NAE1: variants seen among roughly 807,000 people sequenced by gnomAD.
The protein encoded by NAE1 is NEDD8 activating enzyme E1 subunit 1.
In NAE1, 59 loss-of-function variants were observed where a neutral mutation model predicts 88.0. The ratio of observed to expected loss-of-function variants is 0.67; its 90% CI spans 0.54 to 0.83. The LOEUF (loss-of-function observed/expected upper bound fraction) is 0.83. NAE1 is among the 40% of genes least tolerant of loss of function. NAE1 has a pLI of 0.00. For missense variants in NAE1, 554 were observed against 632.8 expected, an observed-to-expected ratio of 0.88 and a Z score of 1.34; for synonymous variants, 186 against 208.9, an observed-to-expected ratio of 0.89 and a Z score of 0.95.
chr16:66,803,286 CT>C (rs771638176), intron 19 of NAE1, among the ~76,000 whole-genome samples, 168 bp from the exon 20 acceptor site: 1 of 152,094 alleles, frequency 6.6e-6, no homozygotes, highest in Non-Finnish European at 1.5e-5. Flanking sequence ...GCCTATAATT[CT>C]TTTTGTTATT....
Position 66,823,207 on chromosome 16 carries a change from A to G in NAE1, c.401+20T>C, listed in dbSNP as rs1366484949. The G allele has an allele frequency of 2.1e-6, 3 of 1,445,722 alleles. No individual in the cohort carries two copies. Among genetic ancestry groups the G allele is most frequent in the Admixed American group, 3.9e-5 (2 of 51,518 alleles). The allele number at this position is 1,445,722 out of a possible 1,614,324, so 89.6% of individuals were successfully genotyped here. On this transcript the variant is annotated intron_variant, in intron 6 of 19. Coordinates refer to ENST00000290810, the MANE Select transcript of NAE1 (RefSeq NM_003905.4). ...AATCTAATAAGATTAAAATAAAAAC[A>G]TATTAACATAAAAATTTACCTTTCA...
chr16:66,813,951 A>T (rs966662561), intron 11 of NAE1, 105 bp from the exon 12 acceptor site: 1 of 1,057,176 alleles, frequency 9.5e-7, no homozygotes, highest in Non-Finnish European at 1.4e-6. Context: ...CTCAAATTGT[A>T]ATCAAATACA....
chr16:66,811,197 A>T (rs1381325477), intron 13 of NAE1, among the ~76,000 whole-genome samples: 1 of 152,184 alleles, frequency 6.6e-6, no homozygotes, highest in Non-Finnish European at 1.5e-5. Flanking sequence ...TCGCTCTGCC[A>T]CCCAGGCTGG....
chr16:66,820,474 C>A (rs575185160), intron 7 of NAE1, among the ~76,000 whole-genome samples: 1 of 152,162 alleles, frequency 6.6e-6, no homozygotes, highest in Non-Finnish European at 1.5e-5. Flanking sequence ...AAAGATTGGA[C>A]GGACCTGGTG....
intron 7 of NAE1, 36 bp from the exon 8 acceptor site, chr16:66,818,673 A>T: frequency 6.4e-7 from 1 of 1,560,910 alleles, no homozygotes. Context: ...TAAATTTAAC[A>T]CTTAAAAAAA....
At chr16:66,825,214 G>A (rs532434115) in intron 3 of NAE1, among the ~76,000 whole-genome samples, 5 of 152,238 alleles carry the variant, frequency 3.3e-5, no homozygotes, top group Non-Finnish European at 7.4e-5. Context: ...TTGGGAGGCC[G>A]AGGTGGGCGG....
intron 1 of NAE1, chr16:66,827,362 A>G (rs2145356003): frequency 6.6e-6 from 1 of 152,634 alleles, no homozygotes; most frequent in East Asian, 1.9e-4. Flanking sequence ...AGGTCAGGAG[A>G]TCGAGACCAT....
intron 1 of NAE1, 127 bp from the exon 2 acceptor site, chr16:66,826,907 G>T: frequency 1.3e-6 from 1 of 798,346 alleles, no homozygotes; most frequent in South Asian, 1.8e-5. Context: ...CAGGTAAGAC[G>T]GGAACAGATA....
intron 13 of NAE1, among the ~76,000 whole-genome samples, chr16:66,812,853 C>T (rs193063796): frequency 0.011 from 1,399 of 132,430 alleles, 33 homozygotes; most frequent in Admixed American, 0.054. Flanking sequence ...GACAGAGTCT[C>T]ACTCTGTCGC....
chr16:66,809,644 T>C (rs1959706926), intron 15 of NAE1, among the ~76,000 whole-genome samples: 4 of 152,134 alleles, frequency 2.6e-5, no homozygotes, highest in Admixed American at 2.6e-4. Context: ...TAATTCAAGA[T>C]TAGTCTAATA....
chr16:66,808,776 A>G (rs363205), intron 16 of NAE1, 163 bp from the exon 17 acceptor site: 9,656 of 640,796 alleles, frequency 0.015, 331 homozygotes, highest in South Asian at 0.091. Context: ...ATATCACACA[A>G]TGGACTCAGT....
intron 9 of NAE1, 111 bp from the exon 10 acceptor site, chr16:66,817,139 T>A (rs975115679): frequency 1.5e-6 from 2 of 1,373,420 alleles, no homozygotes; most frequent in Non-Finnish European, 1.9e-6. Context: ...CAAATATATT[T>A]CTCTGTGAAA....
intron 19 of NAE1, among the ~76,000 whole-genome samples, chr16:66,805,131 G>C (rs1396387717): frequency 6.6e-6 from 1 of 152,100 alleles, no homozygotes; most frequent in Non-Finnish European, 1.5e-5. Context: ...TAGGCACAGA[G>C]GAGCAAAGAT....
At chr16:66,820,629 C>T (rs1367725405) in intron 7 of NAE1, among the ~76,000 whole-genome samples, 3 of 151,718 alleles carry the variant, frequency 2.0e-5, no homozygotes, top group Admixed American at 1.3e-4. Flanking sequence ...CGGCCGGGTG[C>T]GGTGGCTCAC....
At chr16:66,827,905 T>G in intron 1 of NAE1, 1 of 1,337,680 alleles carries the variant, frequency 7.5e-7, no homozygotes, top group South Asian at 1.2e-5. Context: ...AGACTGGTCT[T>G]GAACTCCTGG....
At chr16:66,830,495 C>A (rs766943314) in intron 1 of NAE1, among the ~76,000 whole-genome samples, 9 of 152,236 alleles carry the variant, frequency 5.9e-5, no homozygotes, top group Non-Finnish European at 1.0e-4. Flanking sequence ...CAAAACCTAA[C>A]CCTCTGTGCC....
intron 15 of NAE1, among the ~76,000 whole-genome samples, chr16:66,809,514 T>C (rs772450057): frequency 1.3e-4 from 20 of 152,332 alleles, no homozygotes; most frequent in Admixed American, 2.6e-4. Context: ...ATGTAATGAC[T>C]TTAAGCTTTG....
chr16:66,817,569 A>G (rs1047976770), intron 8 of NAE1, 82 bp from the exon 9 acceptor site: 7 of 928,192 alleles, frequency 7.5e-6, no homozygotes, highest in African/African-American at 5.1e-5. Flanking sequence ...AAATTCAACA[A>G]TATTTATGAT....
intron 1 of NAE1, among the ~76,000 whole-genome samples, chr16:66,830,038 A>G (rs1028626919): frequency 5.9e-5 from 9 of 152,122 alleles, no homozygotes; most frequent in African/African-American, 2.2e-4. Flanking sequence ...GGCGCGCACC[A>G]CCACGCCCAG....
Sources: allele counts gnomAD v4.1 joint callset (sites outside exome capture counted in the v4.1 genomes callset), GRCh38; gene constraint gnomAD v4.1.1; transcripts MANE v1.5; gene names NCBI Gene and HGNC (gene_info 2026-07-23, HGNC 2026-07-21).